The following ANO3 variants were observed in gnomAD, a reference collection of about 807,000 sequenced individuals.
The protein encoded by ANO3 is anoctamin 3.
In ANO3, 99 loss-of-function variants were observed where a neutral mutation model predicts 144.8. That is an observed-to-expected ratio of 0.68 (90% CI 0.58 to 0.81). The LOEUF (loss-of-function observed/expected upper bound fraction) is 0.81. Among genes scored for constraint, ANO3 ranks in the 30% least tolerant of loss-of-function variants. The pLI, the probability that ANO3 is intolerant of heterozygous loss-of-function variation, is 0.00. For missense variants in ANO3, 905 were observed against 1,202.2 expected, an observed-to-expected ratio of 0.75 and a Z score of 3.66; for synonymous variants, 414 against 392.6, an observed-to-expected ratio of 1.05 and a Z score of -0.64.
chr11:26,194,953 C>T (rs1352045634), intron 1 of ANO3, among the ~76,000 whole-genome samples: 2 of 152,210 alleles, frequency 1.3e-5, no homozygotes, highest in East Asian at 3.8e-4. Context: ...AGATATCTCT[C>T]ACCTCAAGCA....
chr11:26,643,453 C>G (rs564400071), intron 23 of ANO3, 119 bp downstream of exon 23: 3 of 1,289,976 alleles, frequency 2.3e-6, no homozygotes, highest in Admixed American at 4.8e-5. Context: ...TATTAAGAGG[C>G]CTTTAAGAAG....
chr11:26,563,136 T>C, intron 14 of ANO3: 1 of 1,612,168 alleles, frequency 6.2e-7, no homozygotes, highest in Non-Finnish European at 8.5e-7. Context: ...TCTGTCGTCA[T>C]AAAGTCGCCG....
intron 1 of ANO3, among the ~76,000 whole-genome samples, chr11:26,290,298 T>C (rs1175479280): frequency 1.3e-5 from 2 of 152,152 alleles, no homozygotes; most frequent in African/African-American, 2.4e-5. Context: ...GATTCTTCTC[T>C]CTTTTCTTCT....
intron 1 of ANO3, among the ~76,000 whole-genome samples, chr11:26,434,014 T>G (rs905692104): frequency 6.6e-6 from 1 of 152,180 alleles, no homozygotes; most frequent in African/African-American, 2.4e-5. Context: ...TGGTTGTGAA[T>G]CCATCTGATT....
intron 1 of ANO3, among the ~76,000 whole-genome samples, chr11:26,319,141 T>C (rs1854697691): frequency 6.6e-6 from 1 of 151,356 alleles, no homozygotes; most frequent in African/African-American, 2.5e-5. Context: ...TACTTCCAGA[T>C]AACATTATTA....
At chr11:26,615,994 C>A (rs913945864) in intron 17 of ANO3, among the ~76,000 whole-genome samples, 1 of 152,112 alleles carries the variant, frequency 6.6e-6, no homozygotes, top group Non-Finnish European at 1.5e-5. Flanking sequence ...TCAAATATGT[C>A]TAGTAATATA....
At chr11:26,543,913 A>T (rs1849709773) in intron 11 of ANO3, among the ~76,000 whole-genome samples, 1 of 152,062 alleles carries the variant, frequency 6.6e-6, no homozygotes, top group South Asian at 2.1e-4. Flanking sequence ...GTGTCACAAT[A>T]AACATACGCT....
intron 1 of ANO3, among the ~76,000 whole-genome samples, chr11:26,377,788 G>A (rs945699356): frequency 6.6e-6 from 1 of 152,018 alleles, no homozygotes; most frequent in African/African-American, 2.4e-5. Flanking sequence ...AAAGAGAAAT[G>A]ATTACCTACA....
intron 17 of ANO3, among the ~76,000 whole-genome samples, chr11:26,611,551 C>T (rs886805709): frequency 1.3e-5 from 2 of 152,112 alleles, no homozygotes; most frequent in African/African-American, 4.8e-5. Context: ...GGAGAATGTT[C>T]TATATGCAGT....
At chr11:26,545,115 A>G (rs111432205) in intron 11 of ANO3, among the ~76,000 whole-genome samples, 7 of 152,152 alleles carry the variant, frequency 4.6e-5, no homozygotes, top group African/African-American at 1.7e-4. Flanking sequence ...GATTGTCTTA[A>G]AATTTGTAAC....
chr11:26,327,564 A>T (rs756022539), upstream of ANO3, among the ~76,000 whole-genome samples: 5 of 152,190 alleles, frequency 3.3e-5, no homozygotes, highest in South Asian at 2.1e-4. Flanking sequence ...TATAGGATTA[A>T]AAGAGTTTGT....
chr11:26,428,329 T>C (rs575394895), intron 1 of ANO3, among the ~76,000 whole-genome samples: 1 of 152,270 alleles, frequency 6.6e-6, no homozygotes, highest in South Asian at 2.1e-4. Flanking sequence ...GAAAATTGAT[T>C]TAGATTGGTC....
At chr11:26,624,906 G>T (rs1024150080) in intron 18 of ANO3, among the ~76,000 whole-genome samples, 3 of 151,710 alleles carry the variant, frequency 2.0e-5, no homozygotes, top group Non-Finnish European at 4.4e-5. Context: ...CTATACCAAA[G>T]GAACTACTTT....
intron 1 of ANO3, among the ~76,000 whole-genome samples, chr11:26,351,067 A>G (rs763017477): frequency 1.3e-5 from 2 of 152,176 alleles, no homozygotes; most frequent in Non-Finnish European, 2.9e-5. Flanking sequence ...ATACCTTCAG[A>G]TACCTCTTTG....
At position 26,577,707 on chromosome 11, in the gene ANO3, A is replaced by G. The variant is rs576224453; in HGVS notation, c.1447+17928A>G. 3.3e-5 allele frequency among the ~76,000 whole-genome samples: 5 copies of G among 152,342 alleles called. 1 individual carries two copies. The South Asian group carries it at 1.0e-3, about 32-fold the overall frequency. Reference sequence around the variant, plus strand: ...CTTTTTTCCAGCTATGTTAATGTGCATGAGTACAAATCGATAGTAGATGGA... The same window carrying G: ...CTTTTTTCCAGCTATGTTAATGTGCGTGAGTACAAATCGATAGTAGATGGA... On this transcript the variant is annotated intron_variant, in intron 14 of 26. Transcript: ENST00000256737.
chr11:26,634,209 C>G lies in ANO3; in HGVS notation c.1879C>G (p.Pro627Ala). 1 of 1,611,638 alleles carries G rather than the reference C, an allele frequency of 6.2e-7. No individual in the cohort carries two copies. Among genetic ancestry groups the G allele is most frequent in the Non-Finnish European group, 8.5e-7 (1 of 1,177,936 alleles). The change falls in exon 19 of 27, where the codon CCT (proline) becomes GCT (alanine). Residue 627 changes from proline (P) to alanine (A), a missense_variant. Transcript: ENST00000256737. ...GCAACCTGTGTTCCTTTTAGAATAT[C>G]CTCGAACAGAATCAGAGTGGGAAAA... is the stretch of plus-strand genomic sequence containing the variant. ...IAYLLTNLEY[P>A]RTESEWENSF...
chr11:26,231,196 T>G (rs1852391642), intron 1 of ANO3, among the ~76,000 whole-genome samples: 1 of 152,162 alleles, frequency 6.6e-6, no homozygotes, highest in Non-Finnish European at 1.5e-5. Context: ...CTTTTTGTAT[T>G]CCTCTGAACA....
At chr11:26,287,783 C>T (rs770178537) in intron 1 of ANO3, among the ~76,000 whole-genome samples, 1 of 152,138 alleles carries the variant, frequency 6.6e-6, no homozygotes, top group Non-Finnish European at 1.5e-5. Flanking sequence ...TTAGAAACCA[C>T]TTACTAGGTG....
chr11:26,332,760 T>G (rs1233281111), intron 1 of ANO3, among the ~76,000 whole-genome samples: 1 of 152,146 alleles, frequency 6.6e-6, no homozygotes, highest in Non-Finnish European at 1.5e-5. Context: ...ATAAGATAAA[T>G]GAATTCTTGG....
Sources: gnomAD v4.1 joint callset for allele counts (sites outside exome capture counted in the v4.1 genomes callset) on GRCh38, gnomAD v4.1.1 for gene constraint, MANE v1.5 for transcripts, NCBI Gene and HGNC (gene_info 2026-07-23, HGNC 2026-07-21) for gene names.